CNTNAP5: variants seen among roughly 807,000 people sequenced by gnomAD.
CNTNAP5 encodes the protein contactin-associated protein-like 5.
A neutral mutation model predicts 150.2 loss-of-function variants in CNTNAP5; 72 were observed. The ratio of observed to expected loss-of-function variants is 0.48; its 90% CI spans 0.40 to 0.58. The LOEUF (loss-of-function observed/expected upper bound fraction) is 0.58, where lower values mean the gene tolerates loss of function less well. Ranked by LOEUF, CNTNAP5 falls within the 20% of genes least tolerant of loss-of-function variation. CNTNAP5 has a pLI of 0.00. For missense variants in CNTNAP5, 1,636 were observed against 1,626.2 expected, an observed-to-expected ratio of 1.01 and a Z score of -0.10; for synonymous variants, 672 against 619.8, an observed-to-expected ratio of 1.08 and a Z score of -1.25.
chr2:124,747,827 A>G (rs1573590565), intron 14 of CNTNAP5, among the ~76,000 whole-genome samples: 1 of 134,308 alleles, frequency 7.4e-6, no homozygotes, highest in South Asian at 2.4e-4. Flanking sequence ...TAGTTGAGAC[A>G]AGAGTTTCAC....
intron 7 of CNTNAP5, among the ~76,000 whole-genome samples, chr2:124,494,292 G>C (rs1458392616): frequency 9.2e-5 from 14 of 152,030 alleles, no homozygotes; most frequent in Admixed American, 9.2e-4. Context: ...AGAACCCAAG[G>C]GGGTGGGGTG....
rs995696141 is a variant in CNTNAP5 at position 124,868,682 on chromosome 2, T to A, written c.3349-993T>A. On this transcript the variant is annotated intron_variant, in intron 20 of 23. Transcript: ENST00000682447. ...TCCCTCCTCTAGAATGTAAGTTGCC[T>A]GAGAACAGAGGAGGGTCGTTCTGAG... Among the ~76,000 whole-genome samples the A allele has an allele frequency of 3.3e-5, 5 of 152,256 alleles. No homozygotes were observed. The East Asian group carries it at 9.7e-4, about 29-fold the overall frequency.
intron 13 of CNTNAP5, among the ~76,000 whole-genome samples, chr2:124,673,872 TAA>T (rs2105060329): frequency 6.6e-6 from 1 of 152,232 alleles, no homozygotes; most frequent in African/African-American, 2.4e-5. Flanking sequence ...ATATATTTAA[TAA>T]GACATTAAAT....
chr2:124,487,031 A>G (rs189043757), intron 7 of CNTNAP5, among the ~76,000 whole-genome samples: 1 of 152,182 alleles, frequency 6.6e-6, no homozygotes, highest in African/African-American at 2.4e-5. Flanking sequence ...TTTCCCTGCC[A>G]CTTCTTTCTA....
intron 3 of CNTNAP5, among the ~76,000 whole-genome samples, chr2:124,311,355 C>A (rs1688825775): frequency 6.6e-6 from 1 of 152,066 alleles, no homozygotes; most frequent in South Asian, 2.1e-4. Flanking sequence ...TTGCAGACGG[C>A]CGCCTTCTCA....
intron 2 of CNTNAP5, among the ~76,000 whole-genome samples, chr2:124,225,207 A>G (rs1318720324): frequency 6.6e-6 from 1 of 152,108 alleles, no homozygotes; most frequent in Non-Finnish European, 1.5e-5. Flanking sequence ...AGAACTTCCC[A>G]TGAGCCCTCA....
At chr2:124,222,948 T>C (rs1686362143) in intron 2 of CNTNAP5, among the ~76,000 whole-genome samples, 1 of 152,132 alleles carries the variant, frequency 6.6e-6, no homozygotes. Context: ...AAGAATAATA[T>C]TCTAAAAACA....
At chr2:124,713,122 C>T (rs35276617) in intron 13 of CNTNAP5, among the ~76,000 whole-genome samples, 8,523 of 122,492 alleles carry the variant, frequency 0.07, 837 homozygotes, top group East Asian at 0.12. Flanking sequence ...GGGACTGTAA[C>T]AATGTCTTCC....
intron 13 of CNTNAP5, among the ~76,000 whole-genome samples, chr2:124,746,744 T>C (rs1680610996): frequency 6.6e-6 from 1 of 152,166 alleles, no homozygotes; most frequent in African/African-American, 2.4e-5. Flanking sequence ...TCATTTTCTC[T>C]TTGGTAGTTT....
intron 3 of CNTNAP5, among the ~76,000 whole-genome samples, chr2:124,363,453 G>T (rs1328843821): frequency 6.6e-6 from 1 of 152,014 alleles, no homozygotes. Context: ...CTCCATACTT[G>T]CCTTTGAAAT....
intron 3 of CNTNAP5, among the ~76,000 whole-genome samples, chr2:124,301,617 G>T (rs1008714700): frequency 2.6e-5 from 4 of 152,178 alleles, no homozygotes; most frequent in African/African-American, 9.6e-5. Flanking sequence ...CCCATTCACT[G>T]TGTACTTCCT....
At chr2:124,295,514 T>C (rs967288951) in intron 3 of CNTNAP5, among the ~76,000 whole-genome samples, 4 of 152,284 alleles carry the variant, frequency 2.6e-5, no homozygotes, top group Admixed American at 2.0e-4. Context: ...GACCATTGAA[T>C]AGGTCTGGGA....
At chr2:124,880,641 T>G (rs1677946011) in intron 21 of CNTNAP5, among the ~76,000 whole-genome samples, 1 of 152,120 alleles carries the variant, frequency 6.6e-6, no homozygotes, top group African/African-American at 2.4e-5. Context: ...ATTGAATGCA[T>G]TATTGAATAC....
intron 1 of CNTNAP5, among the ~76,000 whole-genome samples, chr2:124,037,208 T>G (rs1166567860): frequency 6.6e-6 from 1 of 152,228 alleles, no homozygotes; most frequent in Non-Finnish European, 1.5e-5. Flanking sequence ...CCAGGCTTCA[T>G]GCTTTCACTG....
intron 1 of CNTNAP5, among the ~76,000 whole-genome samples, chr2:124,213,453 T>C (rs773377668): frequency 2.6e-5 from 4 of 152,164 alleles, no homozygotes; most frequent in African/African-American, 9.7e-5. Flanking sequence ...AGGATAGAAC[T>C]TGTGTCTTTC....
intron 1 of CNTNAP5, among the ~76,000 whole-genome samples, chr2:124,161,844 G>T (rs1036282141): frequency 6.6e-6 from 1 of 152,078 alleles, no homozygotes; most frequent in African/African-American, 2.4e-5. Context: ...AATTTAGAAA[G>T]CTTTTCAGAA....
chr2:124,546,590 G>A (rs1407557047), intron 10 of CNTNAP5, among the ~76,000 whole-genome samples: 1 of 152,120 alleles, frequency 6.6e-6, no homozygotes, highest in Non-Finnish European at 1.5e-5. Context: ...TGGGCAGTGG[G>A]GCAGCAACTC....
Position 124,916,143 on chromosome 2 carries a change from ATGT to A in CNTNAP5, c.*1860_*1862del, listed in dbSNP as rs1206625451. On this transcript the variant is annotated 3_prime_UTR_variant, in exon 24 of 24. Transcript: ENST00000682447. ...TGCAATCATATTTCTCTATTTTAAGATGTTGTTTCAAATGCATATTCTCTCCTC... is the reference window on the plus strand; with the variant it reads ...TGCAATCATATTTCTCTATTTTAAGATGTTTCAAATGCATATTCTCTCCTC... 6.6e-6 allele frequency among the ~76,000 whole-genome samples: 1 copy of A among 152,030 alleles called. No individual in the cohort carries two copies. Among genetic ancestry groups the A allele is most frequent in the Non-Finnish European group, 1.5e-5 (1 of 67,976 alleles).
intron 3 of CNTNAP5, among the ~76,000 whole-genome samples, chr2:124,374,314 T>C (rs888215749): frequency 1.3e-5 from 2 of 152,078 alleles, no homozygotes; most frequent in Admixed American, 6.6e-5. Flanking sequence ...TTCTATCAAA[T>C]ATAATTTTTG....
Sources: gnomAD v4.1 joint callset for allele counts (sites outside exome capture counted in the v4.1 genomes callset) on GRCh38, gnomAD v4.1.1 for gene constraint, MANE v1.5 for transcripts, NCBI Gene and HGNC (gene_info 2026-07-23, HGNC 2026-07-21) for gene names.